RNF149: variants seen among roughly 807,000 people sequenced by gnomAD.
The protein encoded by RNF149 is E3 ubiquitin-protein ligase RNF149.
A neutral mutation model predicts 39.0 loss-of-function variants in RNF149; 21 were observed. The ratio of observed to expected loss-of-function variants is 0.54; its 90% CI spans 0.38 to 0.77. The LOEUF is 0.77. RNF149 is among the 30% of genes least tolerant of loss of function. The pLI is 0.00. For missense variants in RNF149, 493 were observed against 534.9 expected (o/e 0.92, Z 0.77); for synonymous variants, 209 against 213.6 (o/e 0.98, Z 0.19).
intron 5 of RNF149, among the ~76,000 whole-genome samples, chr2:101,284,320 C>T (rs1166847570): frequency 1.3e-5 from 2 of 152,172 alleles, no homozygotes; most frequent in African/African-American, 2.4e-5. Context: ...TGGCTCATGC[C>T]TGTAATCTCA....
At chr2:101,295,411 T>C (rs1429110757) in intron 1 of RNF149, among the ~76,000 whole-genome samples, 1 of 151,994 alleles carries the variant, frequency 6.6e-6, no homozygotes, top group Non-Finnish European at 1.5e-5. Flanking sequence ...CTGCCTGTAA[T>C]AGCACTTTGG....
intron 1 of RNF149, among the ~76,000 whole-genome samples, chr2:101,307,052 G>C (rs1683692535): frequency 6.6e-6 from 1 of 152,142 alleles, no homozygotes; most frequent in Non-Finnish European, 1.5e-5. Flanking sequence ...TGTACTGGTC[G>C]TTATTTTACC....
At chr2:101,296,293 T>C (rs538552071) in intron 1 of RNF149, among the ~76,000 whole-genome samples, 2 of 152,030 alleles carry the variant, frequency 1.3e-5, no homozygotes, top group East Asian at 1.9e-4. Flanking sequence ...TTAAGAGACA[T>C]AGAAAAGAAG....
chr2:101,297,543 G>A (rs1357448689), intron 1 of RNF149, among the ~76,000 whole-genome samples: 1 of 124,292 alleles, frequency 8.0e-6, no homozygotes, highest in Non-Finnish European at 1.8e-5. Context: ...TTTTTTTTTA[G>A]AGATGGGGTC....
intron 1 of RNF149, among the ~76,000 whole-genome samples, chr2:101,297,340 T>G (rs1683271288): frequency 6.6e-6 from 1 of 152,014 alleles, no homozygotes. Context: ...GAAAAGAAAA[T>G]AAAAACGGTT....
intron 4 of RNF149, 91 bp from the exon 5 acceptor site, chr2:101,286,268 A>G: frequency 1.5e-6 from 1 of 688,786 alleles, no homozygotes; most frequent in Non-Finnish European, 2.5e-6. Flanking sequence ...TCATCCTCTC[A>G]TTACAAGTTA....
At chr2:101,302,585 A>G (rs188608811) in intron 1 of RNF149, among the ~76,000 whole-genome samples, 3 of 152,306 alleles carry the variant, frequency 2.0e-5, no homozygotes, top group Admixed American at 1.3e-4. Flanking sequence ...TCCCAAATGC[A>G]TTGCTTTATC....
chr2:101,275,524 C>G (rs949309466), downstream of RNF149, among the ~76,000 whole-genome samples: 11 of 128,894 alleles, frequency 8.5e-5, no homozygotes, highest in Non-Finnish European at 1.7e-4. Context: ...TCACTGCAAG[C>G]TCTGCCTTCC....
Position 101,308,245 on chromosome 2 carries a change from C to A in RNF149, c.344G>T (p.Arg115Leu). ...GAAPWVALVA[R>L]GGCTFKDKVL... is the part of the protein sequence containing the mutation. The stretch of plus-strand genomic sequence containing the variant: ...CTTGTCCTTGAAGGTGCAGCCCCCA[C>A]GAGCCACCAGGGCGACCCAGGGCGC... The change falls in exon 1 of 7, where the codon CGT becomes CTT. Residue 115 changes from arginine to leucine, a missense_variant. Coordinates refer to ENST00000295317, the MANE Select transcript of RNF149 (RefSeq NM_173647.4). 1 of 1,597,278 alleles carries A rather than the reference C, an allele frequency of 6.3e-7. No homozygotes were observed. The highest frequency in any genetic ancestry group is 8.5e-7 in the Non-Finnish European group (1 of 1,173,674).
chr2:101,295,160 A>G lies in RNF149; in HGVS notation c.482T>C (p.Ile161Thr). 1 of 1,613,660 alleles carries G rather than the reference A, an allele frequency of 6.2e-7. No individual in the cohort carries two copies. The highest frequency in any genetic ancestry group is 8.5e-7 in the Non-Finnish European group (1 of 1,179,520). ...TCTTCCTTTTGGATAGCTAATCATA[A>G]TGACCACTATATTTCCTGTTCCTGT... ...SHAGTGNIVVIMISYPKGREI... is the reference protein window; with the variant it reads ...SHAGTGNIVVTMISYPKGREI... Residue 161 changes from isoleucine (I) to threonine (T), a missense_variant, in exon 2 of 7, where the codon ATT becomes ACT. Transcript: ENST00000295317.
chr2:101,286,038 A>G, intron 5 of RNF149, 43 bp downstream of exon 5: 1 of 1,122,440 alleles, frequency 8.9e-7, no homozygotes, highest in Non-Finnish European at 1.4e-6. Context: ...TCACTCAGGA[A>G]GAACTGGGGC....
At chr2:101,296,654 T>G (rs1446698262) in intron 1 of RNF149, among the ~76,000 whole-genome samples, 1 of 152,086 alleles carries the variant, frequency 6.6e-6, no homozygotes, top group East Asian at 1.9e-4. Context: ...GTATCATCAG[T>G]GCGGCGGGTC....
chr2:101,278,495 CTCT>C (rs1344834113), intron 6 of RNF149, among the ~76,000 whole-genome samples: 8 of 152,026 alleles, frequency 5.3e-5, no homozygotes, highest in African/African-American at 1.9e-4. Context: ...AAAATGCTTC[CTCT>C]TGTTTTATAA....
At chr2:101,304,185 T>G (rs1683569898) in intron 1 of RNF149, among the ~76,000 whole-genome samples, 1 of 152,200 alleles carries the variant, frequency 6.6e-6, no homozygotes, top group Admixed American at 6.5e-5. Context: ...TCACTTGAGC[T>G]GAGGAGTTCG....
At chr2:101,280,620 T>A (rs560131667) in intron 6 of RNF149, among the ~76,000 whole-genome samples, 4 of 151,768 alleles carry the variant, frequency 2.6e-5, no homozygotes, top group African/African-American at 9.7e-5. Flanking sequence ...GAAAGTACAA[T>A]GAAAAGCCAA....
chr2:101,296,360 A>C (rs2104420805), intron 1 of RNF149, among the ~76,000 whole-genome samples: 1 of 152,336 alleles, frequency 6.6e-6, no homozygotes, highest in East Asian at 1.9e-4. Flanking sequence ...ATAATCATAA[A>C]ATATCGATAA....
chr2:101,293,616 C>T (rs1683102593), intron 3 of RNF149, among the ~76,000 whole-genome samples: 1 of 152,164 alleles, frequency 6.6e-6, no homozygotes, highest in East Asian at 1.9e-4. Flanking sequence ...CTCCCTGTAA[C>T]TAAAGGACTC....
intron 6 of RNF149, among the ~76,000 whole-genome samples, chr2:101,280,299 T>C (rs935734434): frequency 2.0e-5 from 3 of 152,064 alleles, no homozygotes; most frequent in Non-Finnish European, 4.4e-5. Flanking sequence ...ACATATTATT[T>C]GCAATTATTA....
intron 3 of RNF149, among the ~76,000 whole-genome samples, chr2:101,290,367 A>G (rs965336756): frequency 6.6e-6 from 1 of 152,240 alleles, no homozygotes; most frequent in Non-Finnish European, 1.5e-5. Flanking sequence ...AGACAACACT[A>G]GTCTCTCTAG....
Sources: allele counts gnomAD v4.1 joint callset (sites outside exome capture counted in the v4.1 genomes callset), GRCh38; gene constraint gnomAD v4.1.1; transcripts MANE v1.5; gene names NCBI Gene and HGNC (gene_info 2026-07-23, HGNC 2026-07-21).